Variants in AIG1 observed in about 807,000 individuals in gnomAD.
AIG1 encodes androgen-induced gene 1 protein.
In AIG1, 23 loss-of-function variants were observed where a neutral mutation model predicts 31.4. The ratio of observed to expected loss-of-function variants is 0.73; its 90% CI spans 0.53 to 1.04. The LOEUF is 1.04. Among genes scored for constraint, AIG1 ranks in the 50% least tolerant of loss-of-function variants. The pLI, the probability that AIG1 is intolerant of heterozygous loss-of-function variation, is 0.00. For synonymous variants in AIG1, 100 were observed against 110.5 expected (o/e 0.90, Z 0.60); for missense variants, 274 against 295.0 (o/e 0.93, Z 0.52).
intron 1 of AIG1, among the ~76,000 whole-genome samples, chr6:143,112,938 T>G (rs1000635696): frequency 6.6e-6 from 1 of 152,156 alleles, no homozygotes; most frequent in Admixed American, 6.5e-5. Flanking sequence ...AGTTGAGACT[T>G]GAAAAAATAA....
At chr6:143,103,796 G>C (rs976182895) in intron 1 of AIG1, among the ~76,000 whole-genome samples, 3 of 152,120 alleles carry the variant, frequency 2.0e-5, no homozygotes, top group Non-Finnish European at 4.4e-5. Flanking sequence ...TTTCTAAAAT[G>C]AGCTACTGAA....
intron 3 of AIG1, among the ~76,000 whole-genome samples, chr6:143,253,315 T>G (rs954956798): frequency 6.6e-6 from 1 of 152,196 alleles, no homozygotes; most frequent in Non-Finnish European, 1.5e-5. Context: ...ATACAAACAA[T>G]GAAGTTAGGT....
intron 4 of AIG1, among the ~76,000 whole-genome samples, chr6:143,317,478 G>A (rs1177296225): frequency 6.6e-6 from 1 of 151,934 alleles, no homozygotes; most frequent in Non-Finnish European, 1.5e-5. Flanking sequence ...AAAACCCTCA[G>A]CAAAATTGGC....
At chr6:143,103,634 AG>A (rs1348534181) in intron 1 of AIG1, among the ~76,000 whole-genome samples, 1 of 147,428 alleles carries the variant, frequency 6.8e-6, no homozygotes, top group Non-Finnish European at 1.5e-5. Context: ...CAGCCTCCCG[AG>A]TAGCTGGGAC....
chr6:143,077,839 A>G (rs1332238944), intron 1 of AIG1, among the ~76,000 whole-genome samples: 2 of 152,202 alleles, frequency 1.3e-5, no homozygotes, highest in Non-Finnish European at 2.9e-5. Context: ...ACATCCAACC[A>G]TCACTTTGGC....
intron 4 of AIG1, among the ~76,000 whole-genome samples, chr6:143,309,950 A>G (rs1775131417): frequency 6.6e-6 from 1 of 151,990 alleles, no homozygotes; most frequent in Admixed American, 6.6e-5. Flanking sequence ...AGGGGACATA[A>G]TCTTTAATGT....
chr6:143,108,493 T>TA (rs753765236), intron 1 of AIG1, among the ~76,000 whole-genome samples: 4 of 152,156 alleles, frequency 2.6e-5, no homozygotes, highest in Non-Finnish European at 5.9e-5. Flanking sequence ...TTTCTAGGAA[T>TA]AAAAAACAGA....
chr6:143,275,774 C>T (rs1437079035), intron 3 of AIG1, among the ~76,000 whole-genome samples: 1 of 152,172 alleles, frequency 6.6e-6, no homozygotes, highest in African/African-American at 2.4e-5. Flanking sequence ...AGTCTGCATA[C>T]AGCTCATCAT....
At chr6:143,243,260 T>C (rs977927831) in intron 3 of AIG1, among the ~76,000 whole-genome samples, 16 of 152,344 alleles carry the variant, frequency 1.1e-4, no homozygotes, top group Non-Finnish European at 2.2e-4. Flanking sequence ...GAGTTGGAAT[T>C]ATAATAAGAC....
chr6:143,315,159 C>T (rs932201094), intron 4 of AIG1, among the ~76,000 whole-genome samples: 4 of 151,688 alleles, frequency 2.6e-5, no homozygotes, highest in Admixed American at 1.3e-4. Flanking sequence ...TAAAGCAATG[C>T]GAAAATAATA....
At chr6:143,108,487 T>G (rs1780999327) in intron 1 of AIG1, among the ~76,000 whole-genome samples, 1 of 152,172 alleles carries the variant, frequency 6.6e-6, no homozygotes, top group African/African-American at 2.4e-5. Flanking sequence ...CCTCTGTTTC[T>G]AGGAATAAAA....
Position 143,327,410 on chromosome 6 carries a change from G to A in AIG1, c.516-5872G>A. 2.9e-6 allele frequency: 1 copy of A among 342,690 alleles called. No individual in the cohort carries two copies. Among genetic ancestry groups the A allele is most frequent in the South Asian group, 2.8e-5 (1 of 35,840 alleles). 21.2% of individuals were successfully genotyped at this position (342,690 alleles called of 1,614,324 possible). On this transcript the variant is annotated intron_variant, in intron 4 of 5. Transcript: ENST00000357847. This position sits in a 1 kb window ranked among gnomAD's most constrained non-coding sequence, Gnocchi z 5.3. ...GGGCTTCAAGAAGTCTGCCCCTTGG[G>A]CACTCAAAGAGATCTGGAAATTTGC...
chr6:143,206,256 T>C (rs1428634359), intron 3 of AIG1, among the ~76,000 whole-genome samples: 1 of 152,246 alleles, frequency 6.6e-6, no homozygotes, highest in Non-Finnish European at 1.5e-5. Flanking sequence ...AATTCTGGCA[T>C]GGAGTCATTC....
intron 1 of AIG1, among the ~76,000 whole-genome samples, chr6:143,135,645 CA>C (rs1359350387): frequency 1.3e-5 from 2 of 152,024 alleles, no homozygotes; most frequent in African/African-American, 4.8e-5. Flanking sequence ...TGATGAACTC[CA>C]AAAAGCCTAG....
At chr6:143,111,110 A>G (rs1356506272) in intron 1 of AIG1, among the ~76,000 whole-genome samples, 1 of 152,202 alleles carries the variant, frequency 6.6e-6, no homozygotes, top group Non-Finnish European at 1.5e-5. Flanking sequence ...CAGTGACAGC[A>G]TACTGTTTTA....
intron 3 of AIG1, among the ~76,000 whole-genome samples, chr6:143,172,152 A>T (rs560338070): frequency 2.0e-5 from 3 of 151,966 alleles, no homozygotes; most frequent in African/African-American, 7.2e-5. Flanking sequence ...TACTCTGTTG[A>T]TTGTTTCTTT....
At chr6:143,246,177 A>G (rs980272103) in intron 3 of AIG1, among the ~76,000 whole-genome samples, 8 of 152,184 alleles carry the variant, frequency 5.3e-5, no homozygotes, top group Middle Eastern at 3.4e-3. Context: ...GAAGCCCTCT[A>G]AGTTTCATTC....
chr6:143,209,073 G>A (rs1189954564), intron 3 of AIG1, among the ~76,000 whole-genome samples: 1 of 152,166 alleles, frequency 6.6e-6, no homozygotes, highest in Non-Finnish European at 1.5e-5. Flanking sequence ...TCTGCACTGG[G>A]AAAACTGTTA....
chr6:143,146,377 T>C (rs889166670), intron 2 of AIG1, among the ~76,000 whole-genome samples: 1 of 152,208 alleles, frequency 6.6e-6, no homozygotes, highest in African/African-American at 2.4e-5. Flanking sequence ...GGATCTTATA[T>C]ATGCCCTTGT....
Sources: allele counts gnomAD v4.1 joint callset (sites outside exome capture counted in the v4.1 genomes callset), GRCh38; gene constraint gnomAD v4.1.1; non-coding constraint Gnocchi (gnomAD v3.1); transcripts MANE v1.5; gene names NCBI Gene and HGNC (gene_info 2026-07-23, HGNC 2026-07-21).